The following CNKSR2 variants were observed in gnomAD, a reference collection of about 807,000 sequenced individuals.
The protein encoded by CNKSR2 is CNK homolog protein 2.
Under a neutral mutation model 84.4 loss-of-function variants are expected in CNKSR2, and 14 were observed. That is an observed-to-expected ratio of 0.17 (90% CI 0.11 to 0.26). CNKSR2 has a LOEUF of 0.26. Among genes scored for constraint, CNKSR2 ranks in the 10% least tolerant of loss-of-function variants. The pLI, the probability that CNKSR2 is intolerant of heterozygous loss-of-function variation, is 1.00. For missense variants in CNKSR2, 485 were observed against 771.2 expected, an observed-to-expected ratio of 0.63 and a Z score of 4.40; for synonymous variants, 275 against 277.9, an observed-to-expected ratio of 0.99 and a Z score of 0.10.
chrX:21,503,667 A>G, intron 8 of CNKSR2: 1 of 125,311 alleles, frequency 8.0e-6, no homozygotes, highest in Non-Finnish European at 1.6e-5. Flanking sequence ...CTCAGGATTC[A>G]ATGAAAGATT....
intron 1 of CNKSR2, among the ~76,000 whole-genome samples, chrX:21,395,083 G>A (rs957650772): frequency 1.9e-4 from 21 of 111,612 alleles, no homozygotes; most frequent in Non-Finnish European, 9.5e-5. Context: ...GTTTGAAAGT[G>A]TACTTTCCCA....
At chrX:21,390,569 G>A (rs1312009554) in intron 1 of CNKSR2, among the ~76,000 whole-genome samples, 2 of 111,061 alleles carry the variant, frequency 1.8e-5, no homozygotes, top group Non-Finnish European at 3.8e-5. Flanking sequence ...GAACAGCAAG[G>A]GGGAAATCCA....
intron 9 of CNKSR2, among the ~76,000 whole-genome samples, chrX:21,518,778 G>A (rs1057507865): frequency 4.5e-5 from 5 of 111,482 alleles, no homozygotes; most frequent in Middle Eastern, 4.6e-3. Context: ...ATTTGTCATC[G>A]CTTATTCAGC....
At chrX:21,557,171 G>A (rs1334770294) in intron 11 of CNKSR2, among the ~76,000 whole-genome samples, 2 of 110,924 alleles carry the variant, frequency 1.8e-5, no homozygotes, top group Non-Finnish European at 3.8e-5. Context: ...ATGCTTATCT[G>A]AGGTAAAAAT....
chrX:21,529,552 G>A (rs1413429699), intron 10 of CNKSR2, among the ~76,000 whole-genome samples: 4 of 110,684 alleles, frequency 3.6e-5, no homozygotes, highest in African/African-American at 1.3e-4. Context: ...CCTTTCTAGA[G>A]CAAAGGCACA....
intron 1 of CNKSR2, among the ~76,000 whole-genome samples, chrX:21,386,285 C>T (rs1488769421): frequency 9.0e-6 from 1 of 111,675 alleles, no homozygotes; most frequent in Non-Finnish European, 1.9e-5. Flanking sequence ...TATATACCTA[C>T]AAAATGTTAA....
chrX:21,562,686 T>C (rs6633422), intron 12 of CNKSR2, among the ~76,000 whole-genome samples: 2 of 111,584 alleles, frequency 1.8e-5, no homozygotes, highest in East Asian at 5.6e-4. Flanking sequence ...TAGAGACTTT[T>C]GTTGATGGGG....
At position 21,381,516 on chromosome X, in the gene CNKSR2, G is replaced by A. The variant is rs1444502900; in HGVS notation, c.64+6555G>A. Among the ~76,000 whole-genome samples, 3 of 112,180 alleles carry A rather than the reference G, an allele frequency of 2.7e-5. No homozygotes were observed. In the Admixed American group the frequency reaches 2.8e-4, roughly 11 times the overall value. ...GTTTATTTGTTTGATCCATACACCT[G>A]CAGTCAGGATGAATTCCTTGAAAAT... On this transcript the variant is annotated intron_variant, in intron 1 of 21. Coordinates refer to ENST00000379510, the MANE Select transcript of CNKSR2 (RefSeq NM_014927.5).
rs2091434991 is a variant in CNKSR2 at position 21,490,818 on chromosome X, C to T, written c.681+240C>T. 1.5e-5 allele frequency: 3 copies of T among 201,626 alleles called. No individual in the cohort carries two copies. The South Asian group carries it at 5.6e-4, about 37-fold the overall frequency. The allele number at this position is 201,626 out of a possible 1,213,427, so 16.6% of individuals were successfully genotyped here. ...ACTTCTGAATTAATTTAATTTGGTA[C>T]TCATTTAGCTTCAATTACATTCTTT... On this transcript the variant is annotated intron_variant, in intron 6 of 21. Coordinates refer to ENST00000379510, the MANE Select transcript of CNKSR2 (RefSeq NM_014927.5).
intron 21 of CNKSR2, among the ~76,000 whole-genome samples, chrX:21,652,045 A>G (rs2092722064): frequency 8.9e-6 from 1 of 111,889 alleles, no homozygotes; most frequent in African/African-American, 3.3e-5. Context: ...ACTGGATCTT[A>G]AAGAACGAAA....
At chrX:21,490,383 C>T (rs1017031201) in intron 5 of CNKSR2, 76 bp from the exon 6 acceptor site, 175 of 981,386 alleles carry the variant, frequency 1.8e-4, no homozygotes, top group Non-Finnish European at 2.3e-4. Flanking sequence ...CTTATGAAAA[C>T]GTTATTACAA....
At chrX:21,605,465 G>A (rs1279893114) in intron 18 of CNKSR2, among the ~76,000 whole-genome samples, 3 of 112,057 alleles carry the variant, frequency 2.7e-5, no homozygotes, top group African/African-American at 9.7e-5. Flanking sequence ...AACTTCCATT[G>A]CTGAAGAATT....
chrX:21,577,793 C>A (rs1403758171), intron 13 of CNKSR2, among the ~76,000 whole-genome samples: 1 of 110,551 alleles, frequency 9.0e-6, no homozygotes, highest in African/African-American at 3.3e-5. Context: ...ATTTTCTTCA[C>A]TTAACTCCCA....
chrX:21,502,945 G>A (rs943984469), intron 8 of CNKSR2, among the ~76,000 whole-genome samples: 25 of 111,093 alleles, frequency 2.3e-4, no homozygotes, highest in East Asian at 2.0e-3. Flanking sequence ...TTCAGTAGAC[G>A]AGTAGCTTTT....
intron 4 of CNKSR2, among the ~76,000 whole-genome samples, chrX:21,449,269 A>G (rs1188196184): frequency 2.0e-5 from 2 of 97,926 alleles, no homozygotes; most frequent in East Asian, 6.5e-4. Flanking sequence ...ACACCACTGC[A>G]CTCCAGCCTG....
In CNKSR2 at chrX:21,468,330, G is replaced by A. The variant is rs1199710905; in HGVS notation, c.520-2436G>A. On this transcript the variant is annotated intron_variant, in intron 4 of 21. Coordinates refer to ENST00000379510, the MANE Select transcript of CNKSR2 (RefSeq NM_014927.5). ...TAGATATAGGTAGCACATTTAAAATGTAATATTAATATAGCATCAAACATA... is the reference window on the plus strand; with the variant it reads ...TAGATATAGGTAGCACATTTAAAATATAATATTAATATAGCATCAAACATA... Among the ~76,000 whole-genome samples the A allele has an allele frequency of 4.5e-5, 5 of 111,247 alleles. No homozygotes were observed. The East Asian group carries it at 1.4e-3, about 31-fold the overall frequency.
At chrX:21,557,253 G>A (rs1239687266) in intron 11 of CNKSR2, among the ~76,000 whole-genome samples, 1 of 110,837 alleles carries the variant, frequency 9.0e-6, no homozygotes, top group Non-Finnish European at 1.9e-5. Flanking sequence ...ACAGTAATTA[G>A]GATATATCAT....
chrX:21,644,358 G>C (rs1464510399), intron 20 of CNKSR2: 1 of 111,955 alleles, frequency 8.9e-6, no homozygotes, highest in Non-Finnish European at 1.9e-5. Context: ...TCCATCATTG[G>C]CTTCATTCTT....
At chrX:21,479,051 C>A (rs1043799805) in intron 5 of CNKSR2, among the ~76,000 whole-genome samples, 1 of 111,606 alleles carries the variant, frequency 9.0e-6, no homozygotes, top group Admixed American at 9.5e-5. Flanking sequence ...TTACCCCTTA[C>A]CCCCTCCTAC....
Sources: allele counts gnomAD v4.1 joint callset (sites outside exome capture counted in the v4.1 genomes callset), GRCh38; gene constraint gnomAD v4.1.1; transcripts MANE v1.5; gene names NCBI Gene and HGNC (gene_info 2026-07-23, HGNC 2026-07-21).